The following FARS2 variants were observed in gnomAD, a reference collection of about 807,000 sequenced individuals.
FARS2 encodes phenylalanyl-tRNA synthetase 2, mitochondrial, also known as phenylalanine--tRNA ligase, mitochondrial.
Under a neutral mutation model 46.4 loss-of-function variants are expected in FARS2, and 40 were observed. The ratio of observed to expected loss-of-function variants is 0.86; its 90% CI spans 0.67 to 1.12. The LOEUF is 1.12. Among genes scored for constraint, FARS2 ranks in the 50% most tolerant of loss-of-function variants. FARS2 has a pLI of 0.00. For missense variants in FARS2, 513 were observed against 567.9 expected (o/e 0.90, Z 0.98); for synonymous variants, 234 against 214.9 (o/e 1.09, Z -0.78).
chr6:5,257,016 C>T (rs1382819778), upstream of FARS2, among the ~76,000 whole-genome samples: 1 of 152,116 alleles, frequency 6.6e-6, no homozygotes, highest in Non-Finnish European at 1.5e-5. Flanking sequence ...TATTCCTGTC[C>T]TTACTAGCGT....
chr6:5,389,955 C>T (rs559175612), intron 2 of FARS2, among the ~76,000 whole-genome samples: 8 of 152,292 alleles, frequency 5.3e-5, no homozygotes, highest in South Asian at 2.1e-4. Context: ...ACCTCTGCCT[C>T]CTGGGTTCAA....
intron 3 of FARS2, among the ~76,000 whole-genome samples, chr6:5,406,957 C>G (rs1761636628): frequency 6.7e-6 from 1 of 149,324 alleles, no homozygotes; most frequent in Admixed American, 6.7e-5. Context: ...GTCAAATACA[C>G]ATTTGGCATT....
chr6:5,722,130 C>CT (rs1363383882), intron 6 of FARS2, among the ~76,000 whole-genome samples: 2 of 152,132 alleles, frequency 1.3e-5, no homozygotes, highest in Non-Finnish European at 2.9e-5. Flanking sequence ...AATGCAGTGA[C>CT]TGCCAGTATA....
chr6:5,698,997 G>A (rs1758264842), intron 6 of FARS2, among the ~76,000 whole-genome samples: 1 of 152,200 alleles, frequency 6.6e-6, no homozygotes, highest in Admixed American at 6.5e-5. Flanking sequence ...CCATGTGCCT[G>A]GAAGCAGAGG....
chr6:5,481,227 C>T (rs1766437619), intron 4 of FARS2, among the ~76,000 whole-genome samples: 3 of 152,230 alleles, frequency 2.0e-5, no homozygotes, highest in Non-Finnish European at 4.4e-5. Flanking sequence ...CCGTGTGTTC[C>T]TGCCCAGGCA....
In FARS2 at chr6:5,604,581, G is replaced by C. The variant is rs189009516; in HGVS notation, c.1066-8588G>C. Among the ~76,000 whole-genome samples, 313 of 152,226 alleles carry C rather than the reference G, an allele frequency of 2.1e-3. 2 individuals carry two copies. The highest frequency in any genetic ancestry group is 7.3e-3 in the African/African-American group (304 of 41,530). ...ACAGAACTGTGAGCTGCAGGCAGGGGTTTCTCTTCTAGCCCATAAAAGGCA... is the reference window on the plus strand; with the variant it reads ...ACAGAACTGTGAGCTGCAGGCAGGGCTTTCTCTTCTAGCCCATAAAAGGCA... On this transcript the variant is annotated intron_variant, in intron 5 of 6. Coordinates refer to ENST00000274680, the MANE Select transcript of FARS2 (RefSeq NM_006567.5).
intron 4 of FARS2, among the ~76,000 whole-genome samples, chr6:5,510,370 TG>T (rs796714772): frequency 2.0e-5 from 3 of 152,292 alleles, no homozygotes; most frequent in African/African-American, 7.2e-5. Flanking sequence ...CATCCTGGCC[TG>T]CCTCCTTCCA....
intron 1 of FARS2, among the ~76,000 whole-genome samples, chr6:5,363,271 G>A (rs796659528): frequency 3.3e-5 from 5 of 152,142 alleles, no homozygotes; most frequent in South Asian, 2.1e-4. Context: ...GTTGAGTTGC[G>A]TGAGTTCCTT....
chr6:5,686,993 A>G (rs1356559405), intron 6 of FARS2, among the ~76,000 whole-genome samples: 1 of 152,180 alleles, frequency 6.6e-6, no homozygotes, highest in Admixed American at 6.5e-5. Flanking sequence ...GGCTGCATAG[A>G]TGTCTTCTTT....
In FARS2 at chr6:5,345,473, C is replaced by A. The variant is rs375004141; in HGVS notation, c.-21-23077C>A. ...CCGAGGTACAGTAAATTAAGAGCAG[C>A]ATCTTGATTACAGCAAAAGTTCAGT... On this transcript the variant is annotated intron_variant, in intron 1 of 6. Coordinates refer to ENST00000274680, the MANE Select transcript of FARS2 (RefSeq NM_006567.5). Among the ~76,000 whole-genome samples the A allele has an allele frequency of 2.9e-4, 44 of 152,308 alleles. No individual in the cohort carries two copies. In the South Asian group the frequency reaches 6.6e-3, roughly 23 times the overall value.
At chr6:5,709,671 G>GGTGTGTGTGTGTGT (rs771506886) in intron 6 of FARS2, among the ~76,000 whole-genome samples, 4 of 97,124 alleles carry the variant, frequency 4.1e-5, no homozygotes, top group African/African-American at 1.4e-4. Context: ...GTTCCAAGAG[G>GGTGTGTGTGTGTGT]GTGTGTGTGT....
chr6:5,427,772 A>G (rs1269551734), intron 3 of FARS2, among the ~76,000 whole-genome samples: 1 of 152,220 alleles, frequency 6.6e-6, no homozygotes, highest in Non-Finnish European at 1.5e-5. Context: ...AGACACCTGC[A>G]GGATGATTGA....
At chr6:5,561,357 G>A (rs1771974689) in intron 5 of FARS2, among the ~76,000 whole-genome samples, 1 of 151,888 alleles carries the variant, frequency 6.6e-6, no homozygotes, top group Admixed American at 6.6e-5. Flanking sequence ...TTTCTGTGAG[G>A]GGTTATGAGT....
At chr6:5,578,857 A>G (rs1773162629) in intron 5 of FARS2, among the ~76,000 whole-genome samples, 1 of 151,598 alleles carries the variant, frequency 6.6e-6, no homozygotes, top group South Asian at 2.1e-4. Context: ...AAACAGTGGC[A>G]AGACGTGAGC....
At chr6:5,545,484 C>G in intron 5 of FARS2, 144 bp downstream of exon 5, 2 of 624,750 alleles carry the variant, frequency 3.2e-6, no homozygotes, top group Non-Finnish European at 5.1e-6. Context: ...GATACATGTG[C>G]AGAACGTGCA....
At chr6:5,483,681 TAAATA>T (rs1411259394) in intron 4 of FARS2, among the ~76,000 whole-genome samples, 65 of 151,148 alleles carry the variant, frequency 4.3e-4, no homozygotes, top group African/African-American at 1.4e-3. Context: ...AATAAATAAA[TAAATA>T]AATAATAAAA....
intron 6 of FARS2, among the ~76,000 whole-genome samples, chr6:5,690,164 G>A (rs1192959890): frequency 6.6e-6 from 1 of 152,090 alleles, no homozygotes; most frequent in African/African-American, 2.4e-5. Flanking sequence ...TTGCCAGTCT[G>A]TGTCTTTTAA....
chr6:5,528,177 C>G (rs922367276), intron 4 of FARS2, among the ~76,000 whole-genome samples: 1 of 151,888 alleles, frequency 6.6e-6, no homozygotes, highest in Non-Finnish European at 1.5e-5. Context: ...GTTGGAAGAT[C>G]TTTACCTTTT....
intron 6 of FARS2, among the ~76,000 whole-genome samples, chr6:5,717,785 A>G (rs558482257): frequency 3.0e-4 from 45 of 152,184 alleles, no homozygotes; most frequent in African/African-American, 1.0e-3. Context: ...TAAGTCCATT[A>G]TCCATCAGGG....
Sources: allele counts gnomAD v4.1 joint callset (sites outside exome capture counted in the v4.1 genomes callset), GRCh38; gene constraint gnomAD v4.1.1; transcripts MANE v1.5; gene names NCBI Gene and HGNC (gene_info 2026-07-23, HGNC 2026-07-21).